The following RBM20 variants were observed in gnomAD, a reference collection of about 807,000 sequenced individuals.
RBM20 encodes the protein RNA binding motif protein 20.
Under a neutral mutation model 110.1 loss-of-function variants are expected in RBM20, and 51 were observed. That is an observed-to-expected ratio of 0.46 (90% CI 0.37 to 0.59). The LOEUF (loss-of-function observed/expected upper bound fraction) is 0.59, where lower values mean the gene tolerates loss of function less well. Ranked by LOEUF, RBM20 falls within the 20% of genes least tolerant of loss-of-function variation. RBM20 has a pLI of 0.00. For synonymous variants in RBM20, 589 were observed against 618.2 expected (o/e 0.95, Z 0.70); for missense variants, 1,512 against 1,574.9 (o/e 0.96, Z 0.68).
intron 3 of RBM20, 96 bp from the exon 4 acceptor site, chr10:110,784,245 T>A (rs1350207186): frequency 1.2e-6 from 1 of 857,420 alleles, no homozygotes; most frequent in Non-Finnish European, 1.9e-6. Flanking sequence ...TTTCAACTAT[T>A]TGGGGGTCTG....
rs188331974 is a variant in RBM20 at position 110,731,806 on chromosome 10, T to C, written c.192-48995T>C. ...TCTTCAGGCATTTTCCTTAGTTGTA[T>C]GCTGAGAGTGTTCTCTTCAGCTTAA... On this transcript the variant is annotated intron_variant, in intron 1 of 13. Transcript: ENST00000369519. Among the ~76,000 whole-genome samples, 5 of 152,370 alleles carry C rather than the reference T, an allele frequency of 3.3e-5. No homozygotes were observed. The East Asian group carries it at 9.6e-4, about 29-fold the overall frequency.
intron 1 of RBM20, among the ~76,000 whole-genome samples, chr10:110,722,023 T>G (rs1421302125): frequency 6.6e-6 from 1 of 152,124 alleles, no homozygotes; most frequent in Non-Finnish European, 1.5e-5. Context: ...GCCCCTGCCT[T>G]TTCTCTGCCT....
chr10:110,759,074 T>G (rs1382951453), intron 1 of RBM20, among the ~76,000 whole-genome samples: 1 of 152,248 alleles, frequency 6.6e-6, no homozygotes, highest in Non-Finnish European at 1.5e-5. Flanking sequence ...CATTCCACAT[T>G]GGCTGACTCA....
rs1862730697 is a variant in RBM20 at position 110,699,796 on chromosome 10, T to C, written c.191+55151T>C. 6.6e-5 allele frequency among the ~76,000 whole-genome samples: 10 copies of C among 152,290 alleles called. No homozygotes were observed. The South Asian group carries it at 2.1e-3, about 32-fold the overall frequency. ...ATACATAACATGCCTATGATAAGGT[T>C]TAATTTATAAATTAGGCACAGTACT... is the stretch of plus-strand genomic sequence containing the variant. On this transcript the variant is annotated intron_variant, in intron 1 of 13. Transcript: ENST00000369519.
chr10:110,810,335 T>C, intron 7 of RBM20, 48 bp from the exon 8 acceptor site: 1 of 1,421,734 alleles, frequency 7.0e-7, no homozygotes, highest in Middle Eastern at 1.7e-4. Context: ...CCCTCAGGTG[T>C]TTGCAAGGCC....
In RBM20 at chr10:110,644,840, C is replaced by T. The variant is rs1861846073; in HGVS notation, c.191+195C>T. On this transcript the variant is annotated intron_variant, in intron 1 of 13. Coordinates refer to ENST00000369519, the MANE Select transcript of RBM20 (RefSeq NM_001134363.3). This position sits in a 1 kb window ranked among gnomAD's most constrained non-coding sequence, Gnocchi z 4.3. ...AGGCTGGAAAGAGGGGAGCCAAGTT[C>T]TTTAGGGAAAATTATTTTGTTTTTC... 6.6e-6 allele frequency among the ~76,000 whole-genome samples: 1 copy of T among 152,136 alleles called. No homozygotes were observed. Among genetic ancestry groups the T allele is most frequent in the Non-Finnish European group, 1.5e-5 (1 of 68,024 alleles).
chr10:110,666,362 G>T (rs1248266894), intron 1 of RBM20, among the ~76,000 whole-genome samples: 1 of 152,174 alleles, frequency 6.6e-6, no homozygotes, highest in Non-Finnish European at 1.5e-5. Context: ...TCACCTGGGG[G>T]CTGGGTGCAG....
chr10:110,794,945 A>G (rs1448677328), intron 5 of RBM20, among the ~76,000 whole-genome samples: 1 of 152,238 alleles, frequency 6.6e-6, no homozygotes, highest in Non-Finnish European at 1.5e-5. Flanking sequence ...GGAGGAGACA[A>G]TGAGAGAGGC....
chr10:110,757,946 T>C (rs1402639265), intron 1 of RBM20, among the ~76,000 whole-genome samples: 1 of 150,784 alleles, frequency 6.6e-6, no homozygotes. Flanking sequence ...TATTGAGCTC[T>C]GCTTGTGGCA....
intron 1 of RBM20, among the ~76,000 whole-genome samples, chr10:110,761,782 C>T (rs564818014): frequency 3.9e-4 from 60 of 152,344 alleles, no homozygotes; most frequent in African/African-American, 9.9e-4. Flanking sequence ...AGATTATCCC[C>T]GTCTATCCTG....
chr10:110,721,723 T>C (rs533212094), intron 1 of RBM20, among the ~76,000 whole-genome samples: 1 of 152,298 alleles, frequency 6.6e-6, no homozygotes, highest in South Asian at 2.1e-4. Context: ...TTAATGTAGC[T>C]GGGTACTTGG....
At chr10:110,685,042 G>A (rs1862481986) in intron 1 of RBM20, among the ~76,000 whole-genome samples, 3 of 152,346 alleles carry the variant, frequency 2.0e-5, no homozygotes, top group Admixed American at 1.3e-4. Context: ...AATTGCGGTA[G>A]AGAGTGTTGT....
intron 13 of RBM20, among the ~76,000 whole-genome samples, chr10:110,831,943 A>G (rs1372862129): frequency 2.0e-5 from 3 of 152,302 alleles, no homozygotes; most frequent in Non-Finnish European, 2.9e-5. Flanking sequence ...CTAAGGTGCC[A>G]TCATTTGTAA....
In RBM20 at chr10:110,821,894, C is replaced by A; in HGVS notation, c.3275C>A (p.Thr1092Asn). ...GAGAAAGCCAGCCCCCCCATCGAAA[C>A]TGACCTCCAAAACCAAGCTTGCCAA... ...LEEKASPPIE[T>N]DLQNQACQEV... The change falls in exon 11 of 14, where the codon ACT becomes AAT. Residue 1092 changes from threonine (T) to asparagine (N), a missense_variant. Physicochemically the swap from Thr to Asn is moderately conservative, Grantham distance 65 (BLOSUM62 0). This residue lies in a region of RBM20 where 358 missense variants were observed against 384.2 expected (regional missense o/e 0.93). Coordinates refer to ENST00000369519, the MANE Select transcript of RBM20 (RefSeq NM_001134363.3). 1 of 1,551,756 alleles carries A rather than the reference C, an allele frequency of 6.4e-7. No individual in the cohort carries two copies. The highest frequency in any genetic ancestry group is 8.7e-7 in the Non-Finnish European group (1 of 1,147,008).
At chr10:110,693,087 A>G (rs1210370496) in intron 1 of RBM20, among the ~76,000 whole-genome samples, 1 of 152,096 alleles carries the variant, frequency 6.6e-6, no homozygotes, top group Non-Finnish European at 1.5e-5. Flanking sequence ...ATATTGAACT[A>G]TCTTTGCATT....
At chr10:110,712,330 G>A (rs1862944904) in intron 1 of RBM20, among the ~76,000 whole-genome samples, 1 of 152,116 alleles carries the variant, frequency 6.6e-6, no homozygotes, top group Admixed American at 6.5e-5. Context: ...TAATAGTGGT[G>A]GTATCAGTAG....
At position 110,821,320 on chromosome 10, in the gene RBM20, T is replaced by G; in HGVS notation, c.2701T>G (p.Tyr901Asp). 1 of 1,551,752 alleles carries G rather than the reference T, an allele frequency of 6.4e-7. No homozygotes were observed. The highest frequency in any genetic ancestry group is 8.7e-7 in the Non-Finnish European group (1 of 1,146,988). Residue 901 changes from tyrosine to aspartate, a missense_variant, in exon 11 of 14, where the codon TAT becomes GAT. Tyr to Asp is a radical substitution (Grantham distance 160). Around this residue, in one of 3 missense-constraint regions of RBM20, gnomAD observed 1,149 missense variants for 1,169.4 expected, o/e 0.98. Coordinates refer to ENST00000369519, the MANE Select transcript of RBM20 (RefSeq NM_001134363.3). ...SESEAEGESW[Y>D]PTNMEELVTV... ...AAGTGAGGCAGAGGGGGAGAGCTGG[T>G]ATCCCACTAACATGGAGGAGCTGGT...
chr10:110,667,214 G>A (rs141385744), intron 1 of RBM20, among the ~76,000 whole-genome samples: 12 of 152,320 alleles, frequency 7.9e-5, no homozygotes, highest in African/African-American at 2.9e-4. Context: ...AGACTGCAGT[G>A]CATTCACCAA....
intron 1 of RBM20, among the ~76,000 whole-genome samples, chr10:110,705,896 C>T (rs1862830426): frequency 6.6e-6 from 1 of 152,050 alleles, no homozygotes; most frequent in Non-Finnish European, 1.5e-5. Flanking sequence ...TCCTGGCCAA[C>T]ATGGTGAAAC....
Sources: allele counts gnomAD v4.1 joint callset (sites outside exome capture counted in the v4.1 genomes callset), GRCh38; gene constraint gnomAD v4.1.1; regional missense constraint gnomAD v4.1.1; non-coding constraint Gnocchi (gnomAD v3.1); transcripts MANE v1.5; gene names NCBI Gene and HGNC (gene_info 2026-07-23, HGNC 2026-07-21).